Variants in RNF180 observed in about 807,000 individuals in gnomAD.
RNF180 encodes the protein ring finger protein 180.
In RNF180, 38 loss-of-function variants were observed where a neutral mutation model predicts 59.2. That is an observed-to-expected ratio of 0.64 (90% CI 0.50 to 0.84). The LOEUF is 0.84. Ranked by LOEUF, RNF180 falls within the 40% of genes least tolerant of loss-of-function variation. RNF180 has a pLI of 0.00. For synonymous variants in RNF180, 262 were observed against 240.3 expected, an observed-to-expected ratio of 1.09 and a Z score of -0.84; for missense variants, 705 against 700.9, an observed-to-expected ratio of 1.01 and a Z score of -0.07.
At chr5:64,169,349 C>T (rs1177412451) in intron 1 of RNF180, among the ~76,000 whole-genome samples, 2 of 152,188 alleles carry the variant, frequency 1.3e-5, no homozygotes, top group African/African-American at 4.8e-5. Context: ...TTCTGGGTTT[C>T]CAGTCTCAAC....
At chr5:64,165,396 A>G (rs1362586236), upstream of RNF180, among the ~76,000 whole-genome samples, 1 of 152,198 alleles carries the variant, frequency 6.6e-6, no homozygotes, top group East Asian at 1.9e-4. Flanking sequence ...CAACGAAGAT[A>G]GTGATATACG....
chr5:64,204,918 C>A (rs929392181), intron 2 of RNF180, among the ~76,000 whole-genome samples: 2 of 151,994 alleles, frequency 1.3e-5, no homozygotes, highest in African/African-American at 2.4e-5. Context: ...TCCTGTCTTC[C>A]GCATGCAGAC....
At position 64,196,946 on chromosome 5, in the gene RNF180, C is replaced by T. The variant is rs555148177; in HGVS notation, c.1-3862C>T. Among the ~76,000 whole-genome samples, 8 of 152,180 alleles carry T rather than the reference C, an allele frequency of 5.3e-5. No individual in the cohort carries two copies. In the South Asian group the frequency reaches 1.0e-3, roughly 20 times the overall value. ...TGAGTTCTGTTTCAATTTTAAAAATCGTTTTATTCGTATTTTCTAACTTTA... is the reference window on the plus strand; with the variant it reads ...TGAGTTCTGTTTCAATTTTAAAAATTGTTTTATTCGTATTTTCTAACTTTA... On this transcript the variant is annotated intron_variant, in intron 1 of 7. Coordinates refer to ENST00000389100, the MANE Select transcript of RNF180 (RefSeq NM_001113561.2).
chr5:64,319,833 T>C (rs752511797), intron 5 of RNF180, among the ~76,000 whole-genome samples: 34 of 152,186 alleles, frequency 2.2e-4, no homozygotes, highest in Non-Finnish European at 4.3e-4. Context: ...ACAAAACAAA[T>C]ATTTTGTACA....
chr5:64,242,998 C>T (rs1254081145), intron 5 of RNF180, among the ~76,000 whole-genome samples: 1 of 152,144 alleles, frequency 6.6e-6, no homozygotes, highest in Non-Finnish European at 1.5e-5. Flanking sequence ...CAGGGAAGTC[C>T]CTCCCCTAGC....
chr5:64,184,950 C>T (rs543075215), intron 1 of RNF180, among the ~76,000 whole-genome samples: 2 of 152,168 alleles, frequency 1.3e-5, no homozygotes, highest in Non-Finnish European at 2.9e-5. Context: ...AGAACCATCC[C>T]ACATTTAAAT....
intron 1 of RNF180, among the ~76,000 whole-genome samples, chr5:64,188,659 G>A (rs1750986733): frequency 6.6e-6 from 1 of 152,100 alleles, no homozygotes; most frequent in African/African-American, 2.4e-5. Context: ...TTCTCTTCTT[G>A]ATTTTTCTTT....
rs1752341035 is a variant in RNF180, at chr5:64,212,062, C to T, written c.136-3C>T. On this transcript the variant is annotated splice_polypyrimidine_tract_variant and splice_region_variant and intron_variant, in intron 2 of 7. Transcript: ENST00000389100. ...AGTAATATCATTTATTTTTATTTAA[C>T]AGGATAAAGATGATTCAGTTGATGC... 1 of 1,516,256 alleles carries T rather than the reference C, an allele frequency of 6.6e-7. No individual in the cohort carries two copies. The highest frequency in any genetic ancestry group is 9.1e-7 in the Non-Finnish European group (1 of 1,094,726). The allele number at this position is 1,516,256 out of a possible 1,614,324, so 93.9% of individuals were successfully genotyped here.
chr5:64,204,006 A>C (rs1203976158), intron 2 of RNF180, among the ~76,000 whole-genome samples: 1 of 152,184 alleles, frequency 6.6e-6, no homozygotes, highest in African/African-American at 2.4e-5. Flanking sequence ...TATTAAAGTA[A>C]CTGTACAGTT....
chr5:64,313,608 G>T (rs1743890291), intron 5 of RNF180, among the ~76,000 whole-genome samples: 1 of 152,052 alleles, frequency 6.6e-6, no homozygotes, highest in Non-Finnish European at 1.5e-5. Context: ...GTGCTGCGAT[G>T]AACATAACAT....
chr5:64,270,026 AACAC>A (rs146625939), intron 5 of RNF180, among the ~76,000 whole-genome samples: 22 of 148,558 alleles, frequency 1.5e-4, no homozygotes, highest in Non-Finnish European at 2.2e-4. Context: ...CAGTAACAAT[AACAC>A]ACACACACAC....
intron 5 of RNF180, among the ~76,000 whole-genome samples, chr5:64,219,897 G>A (rs1216053328): frequency 1.3e-5 from 2 of 152,154 alleles, no homozygotes; most frequent in Non-Finnish European, 2.9e-5. Context: ...TTGTTGAAAG[G>A]CATTTAACTA....
chr5:64,170,552 A>G (rs190389561), intron 1 of RNF180, among the ~76,000 whole-genome samples: 76 of 152,364 alleles, frequency 5.0e-4, no homozygotes, highest in African/African-American at 1.6e-3. Flanking sequence ...GCAACTGGTT[A>G]TGACAGTATT....
intron 7 of RNF180, among the ~76,000 whole-genome samples, chr5:64,341,967 C>T (rs899275550): frequency 2.0e-5 from 3 of 152,092 alleles, no homozygotes; most frequent in African/African-American, 7.2e-5. Flanking sequence ...ATTTGATCAG[C>T]AGCAGCAAAG....
Position 64,214,117 on chromosome 5 carries a change from T to C in RNF180, c.791T>C (p.Ile264Thr). 2 of 1,614,104 alleles carry C rather than the reference T, an allele frequency of 1.2e-6. No individual in the cohort carries two copies. The highest frequency in any genetic ancestry group is 1.7e-6 in the Non-Finnish European group (2 of 1,179,982). ...TCCAGACTAAATGAAACACAGCCTA[T>C]TGACCTTTCAGGCTTGCCTTTACAA... ...AYSRLNETQP[I>T]DLSGLPLQSS... The change falls in exon 4 of 8, where the codon ATT (isoleucine) becomes ACT (threonine). Residue 264 changes from isoleucine (I) to threonine (T), a missense_variant. By Grantham distance (89) the Ile-to-Thr change is moderately conservative (BLOSUM62 -1). Transcript: ENST00000389100.
chr5:64,367,403 T>C (rs1746492260), intron 7 of RNF180, among the ~76,000 whole-genome samples: 1 of 151,638 alleles, frequency 6.6e-6, no homozygotes, highest in African/African-American at 2.4e-5. Flanking sequence ...TGTGTAGCAG[T>C]AAAAAAAGTT....
chr5:64,248,137 C>G (rs1330022602), intron 5 of RNF180, among the ~76,000 whole-genome samples: 1 of 152,152 alleles, frequency 6.6e-6, no homozygotes, highest in Non-Finnish European at 1.5e-5. Flanking sequence ...AAACGTAAGA[C>G]CTAAAACCAT....
chr5:64,299,625 A>G (rs1024145113), intron 5 of RNF180, among the ~76,000 whole-genome samples: 21 of 152,090 alleles, frequency 1.4e-4, no homozygotes, highest in Admixed American at 1.2e-3. Context: ...TTTAAAAAGT[A>G]TATTTGTCCA....
chr5:64,345,986 G>C (rs1745537396), intron 7 of RNF180, among the ~76,000 whole-genome samples: 1 of 113,864 alleles, frequency 8.8e-6, no homozygotes, highest in Admixed American at 8.3e-5. Flanking sequence ...TGCAATCATT[G>C]ATTTTTTTTT....
Sources: allele counts gnomAD v4.1 joint callset (sites outside exome capture counted in the v4.1 genomes callset), GRCh38; gene constraint gnomAD v4.1.1; transcripts MANE v1.5; gene names NCBI Gene and HGNC (gene_info 2026-07-23, HGNC 2026-07-21).